LGALS8: variants seen among roughly 807,000 people sequenced by gnomAD.
The protein encoded by LGALS8 is galectin 8, also known as galectin-8.
Under a neutral mutation model 35.9 loss-of-function variants are expected in LGALS8, and 30 were observed. The ratio of observed to expected loss-of-function variants is 0.83; its 90% confidence interval spans 0.62 to 1.13. LGALS8 has a LOEUF of 1.13. Ranked by LOEUF, LGALS8 falls within the 50% of genes most tolerant of loss-of-function variation. The pLI, the probability that LGALS8 is intolerant of heterozygous loss-of-function variation, is 0.00. For missense variants in LGALS8, 366 were observed against 388.7 expected, an observed-to-expected ratio of 0.94 and a Z score of 0.49; for synonymous variants, 138 against 136.1, an observed-to-expected ratio of 1.01 and a Z score of -0.10.
At chr1:236,543,972 CCTCA>C (rs1662199756) in intron 8 of LGALS8, among the ~76,000 whole-genome samples, 1 of 151,322 alleles carries the variant, frequency 6.6e-6, no homozygotes, top group Admixed American at 6.6e-5. Flanking sequence ...TGAGATGGAG[CCTCA>C]CTGTGTCACC....
At chr1:236,521,626 A>C (rs1660552806), upstream of LGALS8, among the ~76,000 whole-genome samples, 1 of 152,064 alleles carries the variant, frequency 6.6e-6, no homozygotes. Flanking sequence ...TCAGGAGTTC[A>C]AGACTAGCCT....
At chr1:236,538,789 A>C (rs1192926353) in intron 3 of LGALS8, 90 bp from the exon 4 acceptor site, 25 of 864,472 alleles carry the variant, frequency 2.9e-5, no homozygotes, top group Non-Finnish European at 2.0e-6. Flanking sequence ...GTCCCTTGTC[A>C]CTGGGCCTGG....
intron 2 of LGALS8, among the ~76,000 whole-genome samples, chr1:236,533,480 A>T (rs1661266300): frequency 6.6e-6 from 1 of 151,916 alleles, no homozygotes; most frequent in African/African-American, 2.4e-5. Context: ...GATTACAGTC[A>T]TGTGCCACCA....
intron 2 of LGALS8, among the ~76,000 whole-genome samples, chr1:236,529,622 G>GTTTTTTTTTTTTTTTTTTTTTTT (rs11316979): frequency 8.7e-6 from 1 of 114,746 alleles, no homozygotes; most frequent in Non-Finnish European, 1.6e-5. Context: ...TTCCTTTTCT[G>GTTTTTTTTTTTTTTTTTTTTTTT]TTTTTTTTTT....
Position 236,547,912 on chromosome 1 carries a change from AT to A in LGALS8, c.805-99del, listed in dbSNP as rs1662490577. ...AGCAGCAGCAGGCTGGAACTTTTCTATGTATAATCAAATGGTTTACTCTGAC... is the reference window on the plus strand; with the variant it reads ...AGCAGCAGCAGGCTGGAACTTTTCTAGTATAATCAAATGGTTTACTCTGAC... On this transcript the variant is annotated intron_variant, in intron 9 of 9. Coordinates refer to ENST00000366584, the MANE Select transcript of LGALS8 (RefSeq NM_201544.4). 2.9e-6 allele frequency: 3 copies of A among 1,040,018 alleles called. No homozygotes were observed. In the African/African-American group the frequency reaches 4.7e-5, roughly 16 times the overall value. The allele number at this position is 1,040,018 out of a possible 1,614,324, so 64.4% of individuals were successfully genotyped here.
Position 236,551,933 on chromosome 1 carries a change from A to G in LGALS8, c.*3772A>G. 9.1e-7 allele frequency: 1 copy of G among 1,100,144 alleles called. No individual in the cohort carries two copies. The highest frequency in any genetic ancestry group is 1.8e-5 in the Admixed American group (1 of 56,862). 68.1% of individuals were successfully genotyped at this position (1,100,144 alleles called of 1,614,324 possible). The stretch of plus-strand genomic sequence containing the variant: ...CCAAATCTGCATTATCATTGGGCAC[A>G]TTTTCACAGAATTTTACTGAATTAT... On this transcript the variant is annotated 3_prime_UTR_variant, in exon 10 of 10. Transcript: ENST00000366584.
chr1:236,540,567 G>T lies in LGALS8; in HGVS notation c.349G>T (p.Ala117Ser). 6.2e-7 allele frequency: 1 copy of T among 1,600,850 alleles called. No individual in the cohort carries two copies. The highest frequency in any genetic ancestry group is 8.5e-7 in the Non-Finnish European group (1 of 1,174,040). Residue 117 changes from alanine (A) to serine (S), a missense_variant, in exon 5 of 10, where the codon GCT becomes TCT. Transcript: ENST00000366584. ...IMVLKDKFQV[A>S]VNGKHTLLYG... ...TCTGTCTTCTGTATCTCTCTAGGTG[G>T]CTGTAAATGGAAAACATACTCTGCT...
rs755099867 is a variant in LGALS8, at chr1:236,542,829, TAAAGTTGCATAGA to T, written c.549+46_549+58del. On this transcript the variant is annotated intron_variant, in intron 7 of 9. Transcript: ENST00000366584. Reference sequence around the variant, plus strand: ...GGGTTATTTCATGTGGAATATTTTATAAAGTTGCATAGAAAATGAACAGTTTAAACCGTGGAGG... The same window carrying T: ...GGGTTATTTCATGTGGAATATTTTATAAATGAACAGTTTAAACCGTGGAGG... The T allele has an allele frequency of 2.8e-5, 46 of 1,614,082 alleles. 1 individual carries two copies. In the South Asian group the frequency reaches 4.5e-4, roughly 16 times the overall value.
upstream of LGALS8, chr1:236,523,889 G>A (rs923383200): frequency 3.2e-5 from 11 of 347,110 alleles, no homozygotes; most frequent in South Asian, 6.3e-5. Flanking sequence ...AAGGCGGGGC[G>A]CGGGGAGGGT....
rs1662733737 is a variant in LGALS8, at chr1:236,551,350, C to T, written c.*3189C>T. 4.9e-6 allele frequency: 1 copy of T among 203,156 alleles called. No individual in the cohort carries two copies. Among genetic ancestry groups the T allele is most frequent in the Admixed American group, 5.4e-5 (1 of 18,530 alleles). The allele number at this position is 203,156 out of a possible 1,614,324, so 12.6% of individuals were successfully genotyped here. Reference sequence around the variant, plus strand: ...AATGAATCAGTAAAGGACTGATCTACTTGCTCCACCACCCCTCCCTTAATA... The same window carrying T: ...AATGAATCAGTAAAGGACTGATCTATTTGCTCCACCACCCCTCCCTTAATA... On this transcript the variant is annotated 3_prime_UTR_variant, in exon 10 of 10. Coordinates refer to ENST00000366584, the MANE Select transcript of LGALS8 (RefSeq NM_201544.4).
rs1192193089 is a variant in LGALS8 at position 236,552,333 on chromosome 1, C to T, written c.*4172C>T. ...TAAATAGTGTTTTCCAAACTGTGTCCCAGGACTGCAAATCTTTAATGTGAA... is the reference window on the plus strand; with the variant it reads ...TAAATAGTGTTTTCCAAACTGTGTCTCAGGACTGCAAATCTTTAATGTGAA... On this transcript the variant is annotated 3_prime_UTR_variant, in exon 10 of 10. Transcript: ENST00000366584. 3.0e-6 allele frequency: 1 copy of T among 328,878 alleles called. No individual in the cohort carries two copies. The highest frequency in any genetic ancestry group is 4.8e-5 in the Admixed American group (1 of 20,644). 20.4% of individuals were successfully genotyped at this position (328,878 alleles called of 1,614,324 possible).
In LGALS8 at chr1:236,526,941, A is replaced by C. The variant is rs1558154875; in HGVS notation, c.45+826A>C. Among the ~76,000 whole-genome samples, 1 of 152,150 alleles carries C rather than the reference A, an allele frequency of 6.6e-6. No homozygotes were observed. The highest frequency in any genetic ancestry group is 1.5e-5 in the Non-Finnish European group (1 of 68,034). On this transcript the variant is annotated intron_variant, in intron 2 of 9. Transcript: ENST00000366584. This position sits in a 1 kb window ranked among gnomAD's most constrained non-coding sequence, Gnocchi z 4.6. ...CTAAGTTTTAATGTCATTGTGTAAG[A>C]ATGAGGTATCGCTGCTGTATCAAGC... is the stretch of plus-strand genomic sequence containing the variant.
Position 236,539,054 on chromosome 1 carries a change from G to C in LGALS8, c.310G>C (p.Glu104Gln), listed in dbSNP as rs759113559. The change falls in exon 4 of 10, where the codon GAG (glutamate) becomes CAG (glutamine). Residue 104 changes from glutamate to glutamine, a missense_variant. Transcript: ENST00000366584. Reference sequence around the variant, plus strand: ...GCCTTTCAAAAGAGAAAAGTCTTTTGAGATCGTGATTATGGTGCTGAAGGA... The same window carrying C: ...GCCTTTCAAAAGAGAAAAGTCTTTTCAGATCGTGATTATGGTGCTGAAGGA... ...DTPFKREKSF[E>Q]IVIMVLKDKF... is the part of the protein sequence containing the mutation. The C allele has an allele frequency of 5.2e-5, 84 of 1,613,980 alleles. No individual in the cohort carries two copies. The highest frequency in any genetic ancestry group is 6.7e-5 in the Non-Finnish European group (79 of 1,180,038).
At chr1:236,520,379 A>T (rs1345427535), upstream of LGALS8, among the ~76,000 whole-genome samples, 1 of 7,364 alleles carries the variant, frequency 1.4e-4, no homozygotes, top group Admixed American at 2.9e-3. Context: ...TCTTCTCTTT[A>T]AAAAAAAAAA....
At chr1:236,542,307 C>A (rs1033928387) in intron 6 of LGALS8, 1 of 192,016 alleles carries the variant, frequency 5.2e-6, no homozygotes, top group Non-Finnish European at 1.1e-5. Flanking sequence ...ATAGGGAGAA[C>A]CCCATCTCTA....
At chr1:236,525,157 G>A (rs1401800503) in intron 1 of LGALS8, among the ~76,000 whole-genome samples, 2 of 152,082 alleles carry the variant, frequency 1.3e-5, no homozygotes, top group East Asian at 3.8e-4. Context: ...TATCTTAATA[G>A]TATTAAAAGT....
intron 9 of LGALS8, among the ~76,000 whole-genome samples, chr1:236,545,666 C>T (rs750902745): frequency 3.9e-5 from 6 of 152,140 alleles, no homozygotes; most frequent in South Asian, 2.1e-4. Flanking sequence ...GAATATCAGG[C>T]GGAATAGATA....
At chr1:236,531,294 A>G (rs1891240) in intron 2 of LGALS8, among the ~76,000 whole-genome samples, 96,468 of 151,932 alleles carry the variant, frequency 0.63, 31,362 homozygotes, top group Non-Finnish European at 0.7. Flanking sequence ...AGAGGGTATG[A>G]TCCATTTTCT....
At position 236,548,122 on chromosome 1, in the gene LGALS8, T is replaced by C; in HGVS notation, c.915T>C (p.Ile305=). ...TCAGCAGTATTGACACGCTGGAAAT[T>C]AATGGAGACATCCACTTACTGGAAG... ...KELSSIDTLE[I]NGDIHLLEVR... Residue 305 remains isoleucine (I), a synonymous_variant, in exon 10 of 10, where the codon ATT becomes ATC. Coordinates refer to ENST00000366584, the MANE Select transcript of LGALS8 (RefSeq NM_201544.4). The C allele has an allele frequency of 6.2e-7, 1 of 1,614,060 alleles. No homozygotes were observed. The highest frequency in any genetic ancestry group is 8.5e-7 in the Non-Finnish European group (1 of 1,179,928).
Sources: gnomAD v4.1 joint callset for allele counts (sites outside exome capture counted in the v4.1 genomes callset) on GRCh38, gnomAD v4.1.1 for gene constraint, Gnocchi (gnomAD v3.1) non-coding constraint, MANE v1.5 for transcripts, NCBI Gene and HGNC (gene_info 2026-07-23, HGNC 2026-07-21) for gene names.